Variants in CDH13 observed in about 807,000 individuals in gnomAD.
The protein encoded by CDH13 is cadherin-13.
A neutral mutation model predicts 63.8 loss-of-function variants in CDH13; 24 were observed. The ratio of observed to expected loss-of-function variants is 0.38; its 90% CI spans 0.27 to 0.53. CDH13 has a LOEUF of 0.53. CDH13 is among the 20% of genes least tolerant of loss of function. CDH13 has a pLI of 0.85. For missense variants in CDH13, 1,049 were observed against 903.1 expected (o/e 1.16, Z -2.07); for synonymous variants, 503 against 355.3 (o/e 1.42, Z -4.67).
intron 5 of CDH13, among the ~76,000 whole-genome samples, chr16:83,237,363 C>G (rs776469001): frequency 6.6e-6 from 1 of 152,190 alleles, no homozygotes; most frequent in Non-Finnish European, 1.5e-5. Context: ...TTCTGGTGTT[C>G]TTTACTTGTG....
chr16:83,645,399 A>C (rs1343699090), intron 8 of CDH13, among the ~76,000 whole-genome samples: 1 of 152,190 alleles, frequency 6.6e-6, no homozygotes, highest in Non-Finnish European at 1.5e-5. Context: ...CTCCAAATGC[A>C]GGGAGAGAGA....
intron 2 of CDH13, among the ~76,000 whole-genome samples, chr16:82,995,371 G>A (rs560840669): frequency 3.2e-4 from 49 of 152,316 alleles, no homozygotes; most frequent in African/African-American, 9.9e-4. Flanking sequence ...ATGAGTGAGC[G>A]TGATGTTAGC....
intron 5 of CDH13, among the ~76,000 whole-genome samples, chr16:83,299,938 T>G (rs766746772): frequency 6.6e-6 from 1 of 152,184 alleles, no homozygotes; most frequent in Non-Finnish European, 1.5e-5. Flanking sequence ...CAAATTCAGA[T>G]GAGGGCAAGG....
chr16:82,677,280 A>G (rs1413305440), intron 1 of CDH13, among the ~76,000 whole-genome samples: 2 of 152,278 alleles, frequency 1.3e-5, no homozygotes, highest in South Asian at 2.1e-4. Context: ...TTTGGGAAAC[A>G]TCACCCCTCA....
At chr16:83,246,870 C>A (rs1392918362) in intron 5 of CDH13, among the ~76,000 whole-genome samples, 2 of 152,172 alleles carry the variant, frequency 1.3e-5, no homozygotes, top group Non-Finnish European at 2.9e-5. Flanking sequence ...CCAGTCCTTA[C>A]AAGTGACATC....
At chr16:83,682,242 G>T (rs747640485) in intron 10 of CDH13, among the ~76,000 whole-genome samples, 14 of 152,106 alleles carry the variant, frequency 9.2e-5, no homozygotes, top group Non-Finnish European at 1.6e-4. Flanking sequence ...ACAACAATGA[G>T]GCAGCAAAGA....
rs946915627 is a variant in CDH13, at chr16:82,644,425, G to T, written c.45+17288G>T. ...TTAACCATGGAACGTACTCCTGTCT[G>T]CCCTCACTCGTGGGTTGATGATTTC... On this transcript the variant is annotated intron_variant, in intron 1 of 13. Transcript: ENST00000567109. The surrounding 1 kb of genome is among the most constrained non-coding windows in gnomAD (Gnocchi z 5.7). Among the ~76,000 whole-genome samples the T allele has an allele frequency of 6.6e-6, 1 of 152,090 alleles. No individual in the cohort carries two copies. Among genetic ancestry groups the T allele is most frequent in the African/African-American group, 2.4e-5 (1 of 41,414 alleles).
At chr16:82,636,634 G>A (rs535559532) in intron 1 of CDH13, among the ~76,000 whole-genome samples, 1 of 152,156 alleles carries the variant, frequency 6.6e-6, no homozygotes, top group Non-Finnish European at 1.5e-5. Context: ...CAGCATGTTG[G>A]GTGTAGCCTT....
chr16:83,775,894 C>T (rs977894939), intron 11 of CDH13, among the ~76,000 whole-genome samples: 1 of 152,016 alleles, frequency 6.6e-6, no homozygotes, highest in Non-Finnish European at 1.5e-5. Flanking sequence ...TGCTGAAAAT[C>T]TAGAGAATAC....
At chr16:82,937,372 C>G (rs1262235107) in intron 2 of CDH13, among the ~76,000 whole-genome samples, 1 of 151,942 alleles carries the variant, frequency 6.6e-6, no homozygotes, top group Non-Finnish European at 1.5e-5. Context: ...TTTTCTTTGT[C>G]TCTCTGTCCC....
At chr16:83,733,833 C>G (rs1269771225) in intron 10 of CDH13, among the ~76,000 whole-genome samples, 1 of 152,168 alleles carries the variant, frequency 6.6e-6, no homozygotes, top group Admixed American at 6.5e-5. Context: ...ATCACCTGTC[C>G]AGACACCACC....
At chr16:83,627,393 A>G (rs956307740) in intron 8 of CDH13, among the ~76,000 whole-genome samples, 2 of 152,166 alleles carry the variant, frequency 1.3e-5, no homozygotes, top group Non-Finnish European at 2.9e-5. Flanking sequence ...AGCGAAGCAG[A>G]ATTCCTGAGA....
intron 5 of CDH13, among the ~76,000 whole-genome samples, chr16:83,257,434 A>C (rs1272232224): frequency 2.6e-5 from 4 of 152,186 alleles, no homozygotes; most frequent in Non-Finnish European, 5.9e-5. Context: ...CTCTCCGCTC[A>C]GCTTTTAGGT....
intron 7 of CDH13, among the ~76,000 whole-genome samples, chr16:83,566,906 A>G (rs1598300479): frequency 1.3e-5 from 2 of 152,200 alleles, no homozygotes; most frequent in African/African-American, 2.4e-5. Context: ...ACACAGTGAA[A>G]GAGGAATGCT....
At position 82,711,589 on chromosome 16, in the gene CDH13, C is replaced by T. The variant is rs972249289; in HGVS notation, c.45+84452C>T. Among the ~76,000 whole-genome samples the T allele has an allele frequency of 1.1e-4, 17 of 152,198 alleles. 1 individual carries two copies. The highest frequency in any genetic ancestry group is 4.1e-4 in the African/African-American group (17 of 41,448). On this transcript the variant is annotated intron_variant, in intron 1 of 13. Coordinates refer to ENST00000567109, the MANE Select transcript of CDH13 (RefSeq NM_001257.5). Reference sequence around the variant, plus strand: ...CCAACATAGACCTACCTTCTTATTGCACAGACAAAGACACTGAGATCCAGA... The same window carrying T: ...CCAACATAGACCTACCTTCTTATTGTACAGACAAAGACACTGAGATCCAGA...
At chr16:82,868,667 G>A (rs928802063) in intron 2 of CDH13, among the ~76,000 whole-genome samples, 89 of 152,198 alleles carry the variant, frequency 5.8e-4, no homozygotes, top group Non-Finnish European at 1.2e-4. Flanking sequence ...TAGACCAGAG[G>A]TATCACACTG....
At chr16:82,727,860 G>T (rs140970882) in intron 1 of CDH13, among the ~76,000 whole-genome samples, 10 of 152,174 alleles carry the variant, frequency 6.6e-5, no homozygotes, top group Admixed American at 2.6e-4. Context: ...TGCCATTCAA[G>T]TCTACAGCAT....
intron 5 of CDH13, among the ~76,000 whole-genome samples, chr16:83,300,207 C>A (rs569464986): frequency 6.6e-6 from 1 of 152,306 alleles, no homozygotes; most frequent in South Asian, 2.1e-4. Context: ...GATAAAACCT[C>A]AGCAACTGAC....
intron 1 of CDH13, among the ~76,000 whole-genome samples, chr16:82,722,642 T>C (rs1311466470): frequency 6.6e-6 from 1 of 152,080 alleles, no homozygotes; most frequent in Non-Finnish European, 1.5e-5. Flanking sequence ...AGGACACTGG[T>C]ATGTGGAGAA....
Sources: gnomAD v4.1 joint callset for allele counts (sites outside exome capture counted in the v4.1 genomes callset) on GRCh38, gnomAD v4.1.1 for gene constraint, Gnocchi (gnomAD v3.1) non-coding constraint, MANE v1.5 for transcripts, NCBI Gene and HGNC (gene_info 2026-07-23, HGNC 2026-07-21) for gene names.